Variants in SLC24A2 observed in about 807,000 individuals in gnomAD.
SLC24A2 encodes the protein sodium/potassium/calcium exchanger 2.
In SLC24A2, 36 loss-of-function variants were observed where a neutral mutation model predicts 62.0. That is an observed-to-expected ratio of 0.58 (90% confidence interval 0.44 to 0.77). SLC24A2 has a LOEUF of 0.77. Ranked by LOEUF, SLC24A2 falls within the 30% of genes least tolerant of loss-of-function variation. SLC24A2 has a pLI of 0.00. For missense variants in SLC24A2, 846 were observed against 817.9 expected (o/e 1.03, Z -0.42); for synonymous variants, 358 against 294.0 (o/e 1.22, Z -2.23).
the SLC24A2 span, among the ~76,000 whole-genome samples, chr9:20,111,935 A>C: frequency 1.3e-5 from 2 of 152,204 alleles, no homozygotes. Context: ...TCTTCAAAAT[A>C]ATATCATTTT....
At chr9:20,073,711 C>T in the SLC24A2 span, among the ~76,000 whole-genome samples, 1 of 151,824 alleles carries the variant, frequency 6.6e-6, no homozygotes, top group African/African-American at 2.4e-5. Flanking sequence ...TCCATAAAGT[C>T]TTAGGATCTT....
intron 7 of SLC24A2, among the ~76,000 whole-genome samples, chr9:19,571,841 A>C (rs1273236462): frequency 6.6e-6 from 1 of 152,186 alleles, no homozygotes; most frequent in Non-Finnish European, 1.5e-5. Context: ...ATTTTGAGCA[A>C]CTGTGTTCTA....
intron 2 of SLC24A2, among the ~76,000 whole-genome samples, chr9:19,764,612 TTGAG>T (rs769416966): frequency 2.0e-5 from 3 of 152,240 alleles, no homozygotes; most frequent in Non-Finnish European, 4.4e-5. Flanking sequence ...TTGTGTGGTT[TTGAG>T]TGAGTTTCTT....
chr9:19,748,080 G>A lies in SLC24A2; in HGVS notation c.930+37857C>T, dbSNP rs1016552310. 8.5e-5 allele frequency among the ~76,000 whole-genome samples: 13 copies of A among 152,096 alleles called. No homozygotes were observed. In the East Asian group the frequency reaches 9.6e-4, roughly 11 times the overall value. On this transcript the variant is annotated intron_variant, in intron 2 of 10. Transcript: ENST00000341998. ...CCTATTTGCTGGTTCTGCAAAATTC[G>A]TAAGTTCACTAAAGAGATATGCAAT...
the SLC24A2 span, among the ~76,000 whole-genome samples, chr9:20,054,553 CA>C: frequency 6.6e-6 from 1 of 152,126 alleles, no homozygotes; most frequent in Non-Finnish European, 1.5e-5. Context: ...CACTGGTACC[CA>C]AAGTGTAGTT....
the SLC24A2 span, among the ~76,000 whole-genome samples, chr9:20,248,345 C>T: frequency 6.0e-4 from 91 of 152,314 alleles, 1 homozygote; most frequent in South Asian, 1.5e-3. Flanking sequence ...TTATTTGGTT[C>T]GGGCTGCTAT....
chr9:19,638,943 T>C (rs533894084), intron 2 of SLC24A2, among the ~76,000 whole-genome samples: 44 of 118,904 alleles, frequency 3.7e-4, no homozygotes, highest in African/African-American at 1.3e-3. Context: ...TTTGAACAAA[T>C]CCTGAATTGC....
intron 2 of SLC24A2, among the ~76,000 whole-genome samples, chr9:19,645,442 A>T (rs1818614550): frequency 6.6e-6 from 1 of 152,178 alleles, no homozygotes; most frequent in African/African-American, 2.4e-5. Context: ...GCTGTAAGAG[A>T]AAAATAGGGA....
chr9:19,722,485 A>C (rs1821054906), intron 2 of SLC24A2, among the ~76,000 whole-genome samples: 1 of 152,098 alleles, frequency 6.6e-6, no homozygotes, highest in Non-Finnish European at 1.5e-5. Context: ...TAGTTGATTA[A>C]TATTTGGTTT....
chr9:19,986,938 T>C, the SLC24A2 span, among the ~76,000 whole-genome samples: 1 of 152,092 alleles, frequency 6.6e-6, no homozygotes, highest in Non-Finnish European at 1.5e-5. Flanking sequence ...ATTATGTCAA[T>C]TTCAACTCAG....
the SLC24A2 span, among the ~76,000 whole-genome samples, chr9:19,817,258 A>G: frequency 5.3e-5 from 8 of 151,908 alleles, no homozygotes; most frequent in African/African-American, 1.9e-4. Flanking sequence ...AGAAGCAACT[A>G]TAGGGAGTTA....
chr9:20,091,704 A>C, the SLC24A2 span, among the ~76,000 whole-genome samples: 1 of 152,322 alleles, frequency 6.6e-6, no homozygotes, highest in Non-Finnish European at 1.5e-5. Context: ...AGAGATCTTG[A>C]AAAGAGCTCT....
intron 7 of SLC24A2, among the ~76,000 whole-genome samples, chr9:19,564,903 G>A (rs73648717): frequency 0.02 from 2,977 of 152,100 alleles, 94 homozygotes; most frequent in African/African-American, 0.068. Context: ...AGTGTATGTG[G>A]GCCAAGTGCA....
At chr9:20,288,210 C>T in the SLC24A2 span, among the ~76,000 whole-genome samples, 1 of 152,168 alleles carries the variant, frequency 6.6e-6, no homozygotes, top group Non-Finnish European at 1.5e-5. Context: ...TACATTAGTA[C>T]ATCAGTATTT....
chr9:20,189,857 G>A, the SLC24A2 span, among the ~76,000 whole-genome samples: 2 of 152,164 alleles, frequency 1.3e-5, no homozygotes, highest in Non-Finnish European at 2.9e-5. Flanking sequence ...GGCAGTGACT[G>A]CACAATTCTG....
At chr9:19,777,887 T>C (rs1822890787) in intron 2 of SLC24A2, among the ~76,000 whole-genome samples, 1 of 152,170 alleles carries the variant, frequency 6.6e-6, no homozygotes, top group Non-Finnish European at 1.5e-5. Context: ...GAATACATAA[T>C]TTTGGTATCT....
the SLC24A2 span, among the ~76,000 whole-genome samples, chr9:20,253,036 G>A: frequency 6.6e-6 from 1 of 152,186 alleles, no homozygotes; most frequent in Admixed American, 6.5e-5. Context: ...GCAATGGCCT[G>A]TTAGAAACAA....
the SLC24A2 span, among the ~76,000 whole-genome samples, chr9:20,084,092 G>A: frequency 2.6e-5 from 4 of 152,168 alleles, no homozygotes; most frequent in Non-Finnish European, 5.9e-5. Flanking sequence ...TTTCACCGTG[G>A]AGCAGGAGAT....
the SLC24A2 span, among the ~76,000 whole-genome samples, chr9:20,024,773 C>T: frequency 6.6e-6 from 1 of 152,084 alleles, no homozygotes; most frequent in Non-Finnish European, 1.5e-5. Context: ...GTGGGGAGAA[C>T]CTTTCAAGGC....
Sources: allele counts gnomAD v4.1 joint callset (sites outside exome capture counted in the v4.1 genomes callset), GRCh38; gene constraint gnomAD v4.1.1; transcripts MANE v1.5; gene names NCBI Gene and HGNC (gene_info 2026-07-23, HGNC 2026-07-21).